The following FLYWCH2 variants were observed in gnomAD, a reference collection of about 807,000 sequenced individuals.
FLYWCH2 encodes FLYWCH family member 2.
FLYWCH2 carries 2 observed loss-of-function variants against 6.0 expected under a neutral mutation model. That is an observed-to-expected ratio of 0.33 (90% CI 0.14 to 1.04). The LOEUF (loss-of-function observed/expected upper bound fraction) is 1.04, where lower values mean the gene tolerates loss of function less well. Among genes scored for constraint, FLYWCH2 ranks in the 50% least tolerant of loss-of-function variants. The pLI is 0.45. For missense variants in FLYWCH2, 192 were observed against 183.4 expected (o/e 1.05, Z -0.27); for synonymous variants, 87 against 79.3 (o/e 1.10, Z -0.52).
At chr16:2,884,104 A>G (rs1312425335) in intron 1 of FLYWCH2, among the ~76,000 whole-genome samples, 2 of 152,144 alleles carry the variant, frequency 1.3e-5, no homozygotes, top group African/African-American at 4.8e-5. Context: ...GTGGAGCAGT[A>G]ATTATTGGGG....
chr16:2,894,106 T>C (rs1342624752), intron 1 of FLYWCH2, among the ~76,000 whole-genome samples: 2 of 152,056 alleles, frequency 1.3e-5, no homozygotes, highest in African/African-American at 2.4e-5. Flanking sequence ...TAACCTAATA[T>C]AAGGAGGCGT....
intron 1 of FLYWCH2, among the ~76,000 whole-genome samples, chr16:2,886,733 C>T (rs993533244): frequency 6.6e-6 from 1 of 151,758 alleles, no homozygotes; most frequent in African/African-American, 2.4e-5. Flanking sequence ...GTTGGTCAGG[C>T]TGGTCTCGAA....
chr16:2,886,558 G>A (rs1432936982), intron 1 of FLYWCH2, among the ~76,000 whole-genome samples: 1 of 77,312 alleles, frequency 1.3e-5, no homozygotes, highest in East Asian at 4.1e-4. Context: ...TTTTGCTCTT[G>A]TTGTCCCGGC....
At chr16:2,888,102 G>A (rs1006868514) in intron 1 of FLYWCH2, among the ~76,000 whole-genome samples, 1 of 152,036 alleles carries the variant, frequency 6.6e-6, no homozygotes, top group African/African-American at 2.4e-5. Context: ...TCCGCCTCCC[G>A]GGTTCTAGCA....
intron 3 of FLYWCH2, chr16:2,897,035 G>A (rs1387566330): frequency 3.6e-6 from 2 of 556,740 alleles, no homozygotes; most frequent in Non-Finnish European, 6.3e-6. Context: ...CACAAGGGAG[G>A]GTCTGAGGGT....
At chr16:2,890,052 C>T (rs1056697492) in intron 1 of FLYWCH2, among the ~76,000 whole-genome samples, 3 of 151,862 alleles carry the variant, frequency 2.0e-5, no homozygotes, top group Middle Eastern at 3.4e-3. Flanking sequence ...TATCACTGCA[C>T]TCCAAGCAAT....
intron 1 of FLYWCH2, among the ~76,000 whole-genome samples, chr16:2,886,442 A>T (rs1166562596): frequency 6.7e-6 from 1 of 149,770 alleles, no homozygotes; most frequent in Non-Finnish European, 1.5e-5. Flanking sequence ...TCCTGACCTC[A>T]GGTGATCCTC....
intron 1 of FLYWCH2, among the ~76,000 whole-genome samples, chr16:2,888,315 C>CG (rs1283723766): frequency 6.6e-6 from 1 of 151,628 alleles, no homozygotes; most frequent in Non-Finnish European, 1.5e-5. Context: ...CGGCCTGTGT[C>CG]GGTCTTTATG....
Position 2,896,579 on chromosome 16 carries a change from C to T in FLYWCH2, c.130C>T (p.Leu44=). ...RKPRKFSKLV[L]LTASKDSTKV... ...GCCCAGAAAGTTCTCCAAACTGGTC[C>T]TGCTCACAGCCTCCAAAGACAGCAC... Residue 44 remains leucine (L), a synonymous_variant, in exon 3 of 4, where the codon CTG becomes TTG. Coordinates refer to ENST00000396958, the MANE Select transcript of FLYWCH2 (RefSeq NM_138439.3). 2 of 1,614,176 alleles carry T rather than the reference C, an allele frequency of 1.2e-6. No individual in the cohort carries two copies. Among genetic ancestry groups the T allele is most frequent in the Non-Finnish European group, 1.7e-6 (2 of 1,180,018 alleles).
At chr16:2,893,032 A>G (rs1002526836) in intron 1 of FLYWCH2, among the ~76,000 whole-genome samples, 2 of 149,756 alleles carry the variant, frequency 1.3e-5, no homozygotes, top group Admixed American at 6.7e-5. Flanking sequence ...ACACACACAC[A>G]CATATAAATG....
chr16:2,891,723 A>T (rs970683702), intron 1 of FLYWCH2, among the ~76,000 whole-genome samples: 7 of 147,834 alleles, frequency 4.7e-5, no homozygotes, highest in African/African-American at 1.5e-4. Context: ...TATTTTATTT[A>T]ATTTGTTTAT....
In FLYWCH2 at chr16:2,899,285, T is replaced by TTA. The variant is rs397800906; in HGVS notation, c.*136_*137insTA. The TTA allele has an allele frequency of 5.4e-6, 3 of 559,452 alleles. No homozygotes were observed. Among genetic ancestry groups the TTA allele is most frequent in the African/African-American group, 2.0e-5 (1 of 50,492 alleles). The allele number at this position is 559,452 out of a possible 1,614,324, so 34.7% of individuals were successfully genotyped here. A position where few individuals can be genotyped will look rare whatever the true frequency, so the allele number is the denominator to read the frequency against. The stretch of plus-strand genomic sequence containing the variant: ...TTTCTTTTCTTTTTTTTTTTTTTTT[T>TTA]AGATCAAGTATAAGTTACTTTTGTA... On this transcript the variant is annotated 3_prime_UTR_variant, in exon 4 of 4. Coordinates refer to ENST00000396958, the MANE Select transcript of FLYWCH2 (RefSeq NM_138439.3).
At position 2,896,449 on chromosome 16, in the gene FLYWCH2, G is replaced by A. The variant is rs774725424; in HGVS notation, c.-1G>A. 1 of 1,609,554 alleles carries A rather than the reference G, an allele frequency of 6.2e-7. No homozygotes were observed. The highest frequency in any genetic ancestry group is 1.7e-5 in the Admixed American group (1 of 59,676). On this transcript the variant is annotated 5_prime_UTR_variant, in exon 3 of 4. Transcript: ENST00000396958. ...CTGAGGGACAGGCCCTGGGTCCCGG[G>A]ATGCCCCTGCCCGAGCCCAGCGAGC...
chr16:2,885,511 C>G (rs2069689201), intron 1 of FLYWCH2, among the ~76,000 whole-genome samples: 1 of 152,158 alleles, frequency 6.6e-6, no homozygotes, highest in African/African-American at 2.4e-5. Context: ...TACGTTCTGT[C>G]TCCATAGATT....
chr16:2,885,488 ATAACCAC>A (rs2069688882), intron 1 of FLYWCH2, among the ~76,000 whole-genome samples: 1 of 152,192 alleles, frequency 6.6e-6, no homozygotes, highest in Non-Finnish European at 1.5e-5. Context: ...CAATCCCGAG[ATAACCAC>A]AAATCTACGT....
chr16:2,895,588 C>G (rs887052226), intron 2 of FLYWCH2, among the ~76,000 whole-genome samples: 4 of 152,236 alleles, frequency 2.6e-5, no homozygotes, highest in African/African-American at 9.6e-5. Context: ...GCACTCCAGC[C>G]TGGGCGACAG....
At chr16:2,891,614 C>G (rs939819924) in intron 1 of FLYWCH2, among the ~76,000 whole-genome samples, 1 of 152,030 alleles carries the variant, frequency 6.6e-6, no homozygotes, top group Non-Finnish European at 1.5e-5. Flanking sequence ...ACCGTGTTAG[C>G]CAGGATGGTC....
chr16:2,883,750 C>T (rs142018661), intron 1 of FLYWCH2, among the ~76,000 whole-genome samples: 1 of 152,272 alleles, frequency 6.6e-6, no homozygotes, highest in East Asian at 1.9e-4. Flanking sequence ...GATACTGGGG[C>T]GGGGGAGACA....
intron 1 of FLYWCH2, among the ~76,000 whole-genome samples, chr16:2,891,129 C>T (rs772805692): frequency 3.3e-4 from 50 of 152,202 alleles, no homozygotes; most frequent in Non-Finnish European, 5.7e-4. Context: ...TTCTTTGTAA[C>T]TGGCATTTCT....
Sources: gnomAD v4.1 joint callset for allele counts (sites outside exome capture counted in the v4.1 genomes callset) on GRCh38, gnomAD v4.1.1 for gene constraint, MANE v1.5 for transcripts, NCBI Gene and HGNC (gene_info 2026-07-23, HGNC 2026-07-21) for gene names.